Variants in KCNAB2 observed in about 807,000 individuals in gnomAD.
KCNAB2 encodes the protein voltage-gated potassium channel subunit beta-2.
A neutral mutation model predicts 63.6 loss-of-function variants in KCNAB2; 29 were observed. That is an observed-to-expected ratio of 0.46 (90% CI 0.34 to 0.62). KCNAB2 has a LOEUF of 0.62. KCNAB2 is among the 20% of genes least tolerant of loss of function. The pLI, the probability that KCNAB2 is intolerant of heterozygous loss-of-function variation, is 0.01. For synonymous variants in KCNAB2, 222 were observed against 224.2 expected (o/e 0.99, Z 0.09); for missense variants, 359 against 563.9 (o/e 0.64, Z 3.68).
chr1:6,029,005 G>C (rs1659400020), intron 1 of KCNAB2, among the ~76,000 whole-genome samples: 1 of 152,220 alleles, frequency 6.6e-6, no homozygotes, highest in Non-Finnish European at 1.5e-5. Context: ...ACTTGGGTGT[G>C]GCTGGTCACG....
At chr1:6,065,978 C>A (rs1468836581) in intron 2 of KCNAB2, among the ~76,000 whole-genome samples, 1 of 152,134 alleles carries the variant, frequency 6.6e-6, no homozygotes, top group Non-Finnish European at 1.5e-5. Flanking sequence ...TCGTCCTGGT[C>A]GGGGGAGAAG....
chr1:6,097,727 C>T (rs1665768580), intron 15 of KCNAB2: 5 of 460,702 alleles, frequency 1.1e-5, no homozygotes, highest in South Asian at 5.2e-5. Context: ...GAGTAAGTCA[C>T]GCAAATGCCT....
At position 6,003,344 on chromosome 1, in the gene KCNAB2, A is replaced by T. The variant is rs535702568; in HGVS notation, c.-53+10556A>T. Among the ~76,000 whole-genome samples the T allele has an allele frequency of 3.3e-3, 507 of 152,226 alleles. 1 individual carries two copies. The highest frequency in any genetic ancestry group is 4.5e-3 in the Non-Finnish European group (303 of 68,000). Reference sequence around the variant, plus strand: ...AGATCCTCCCCACCAGAGCAGGGTCATGGGGTCAGAGGCAGGGTCCGTGTG... The same window carrying T: ...AGATCCTCCCCACCAGAGCAGGGTCTTGGGGTCAGAGGCAGGGTCCGTGTG... On this transcript the variant is annotated intron_variant, in intron 1 of 16. Transcript: ENST00000341524. This position sits in a 1 kb window ranked among gnomAD's most constrained non-coding sequence, Gnocchi z 4.1.
At chr1:6,065,162 C>T (rs1451261416) in intron 2 of KCNAB2, among the ~76,000 whole-genome samples, 1 of 152,238 alleles carries the variant, frequency 6.6e-6, no homozygotes, top group African/African-American at 2.4e-5. Context: ...GCCAGGGAGG[C>T]TGTGACCGGA....
intron 9 of KCNAB2, 143 bp downstream of exon 9, chr1:6,090,618 G>A (rs112636180): frequency 1.9e-5 from 12 of 634,932 alleles, no homozygotes; most frequent in Non-Finnish European, 2.8e-5. Context: ...GGTGGGGGGC[G>A]AGGGGGCAGG....
At chr1:6,050,797 A>G (rs1661316838) in intron 1 of KCNAB2, among the ~76,000 whole-genome samples, 1 of 152,026 alleles carries the variant, frequency 6.6e-6, no homozygotes, top group East Asian at 1.9e-4. Context: ...TCCCCAGGCC[A>G]CTCTCCTCCG....
At chr1:6,097,831 C>A in intron 15 of KCNAB2, 1 of 275,736 alleles carries the variant, frequency 3.6e-6, no homozygotes, top group Non-Finnish European at 6.8e-6. Context: ...CGAAACACCT[C>A]CAGGGACTTC....
chr1:6,058,199 C>T (rs1662003742), intron 2 of KCNAB2, among the ~76,000 whole-genome samples: 1 of 152,182 alleles, frequency 6.6e-6, no homozygotes, highest in African/African-American at 2.4e-5. Flanking sequence ...GAAGGCTGAC[C>T]CTAATCCAGG....
chr1:6,049,572 A>G (rs1461207392), intron 1 of KCNAB2, among the ~76,000 whole-genome samples: 1 of 152,248 alleles, frequency 6.6e-6, no homozygotes, highest in Non-Finnish European at 1.5e-5. Context: ...AGGCTCCCCA[A>G]GGACGACTGG....
intron 10 of KCNAB2, among the ~76,000 whole-genome samples, chr1:6,093,783 C>T (rs1426823857): frequency 2.6e-5 from 4 of 152,320 alleles, no homozygotes; most frequent in East Asian, 1.9e-4. Context: ...AGGCTTTCCA[C>T]GCCCACTTCT....
intron 4 of KCNAB2, among the ~76,000 whole-genome samples, chr1:6,076,410 AG>A (rs1452670763): frequency 6.6e-6 from 1 of 152,250 alleles, no homozygotes; most frequent in Non-Finnish European, 1.5e-5. Context: ...TCAGGTCTCC[AG>A]CCCTCCCATT....
intron 10 of KCNAB2, among the ~76,000 whole-genome samples, chr1:6,093,716 G>C (rs944500750): frequency 2.6e-5 from 4 of 152,248 alleles, no homozygotes; most frequent in Non-Finnish European, 4.4e-5. Context: ...GGGACAGGCG[G>C]GTTGGGACTC....
chr1:6,099,789 C>T lies in KCNAB2; in HGVS notation c.*1215C>T, dbSNP rs948268923. 5 of 1,497,998 alleles carry T rather than the reference C, an allele frequency of 3.3e-6. No homozygotes were observed. Among genetic ancestry groups the T allele is most frequent in the Non-Finnish European group, 3.6e-6 (4 of 1,121,466 alleles). 92.8% of individuals were successfully genotyped at this position (1,497,998 alleles called of 1,614,324 possible). A position where few individuals can be genotyped will look rare whatever the true frequency, so the allele number is the denominator to read the frequency against. On this transcript the variant is annotated 3_prime_UTR_variant, in exon 16 of 16. Transcript: ENST00000378083. ...TGGAAAGACGGGCAGGGCTGGTTAG[C>T]CCCTCCCACTGCCTGACACCTGGGA... is the stretch of plus-strand genomic sequence containing the variant.
At chr1:6,094,355 G>A (rs1665439478) in intron 10 of KCNAB2, 45 bp from the exon 11 acceptor site, 7 of 1,497,740 alleles carry the variant, frequency 4.7e-6, no homozygotes, top group South Asian at 1.2e-5. Context: ...CTGGCCCTGA[G>A]CCCTGGCTGC....
Position 6,090,491 on chromosome 1 carries a change from C to T in KCNAB2, c.601+16C>T, listed in dbSNP as rs370312605. The T allele has an allele frequency of 3.7e-5, 60 of 1,600,276 alleles. No homozygotes were observed. Among genetic ancestry groups the T allele is most frequent in the Non-Finnish European group, 4.4e-5 (52 of 1,169,020 alleles). ...CCGATGGAAGGTAGGTGGTCTGCGG[C>T]GGCGCCACCGGTTAGGCCTGGGCGG... On this transcript the variant is annotated intron_variant, in intron 9 of 15. Coordinates refer to ENST00000378083, the MANE Select transcript of KCNAB2 (RefSeq NM_001199862.2).
chr1:6,068,552 G>GGC (rs1252551998), intron 2 of KCNAB2, among the ~76,000 whole-genome samples: 7 of 152,196 alleles, frequency 4.6e-5, no homozygotes, highest in Admixed American at 4.6e-4. Flanking sequence ...CTGTCACGGC[G>GGC]GGAGGGTAGG....
intron 2 of KCNAB2, among the ~76,000 whole-genome samples, chr1:6,060,996 C>T (rs576571058): frequency 6.6e-6 from 1 of 152,334 alleles, no homozygotes; most frequent in South Asian, 2.1e-4. Flanking sequence ...GCATCCGCCC[C>T]CTTCCACTGC....
chr1:6,002,523 G>A (rs1184918338), intron 1 of KCNAB2, among the ~76,000 whole-genome samples: 1 of 152,258 alleles, frequency 6.6e-6, no homozygotes, highest in Non-Finnish European at 1.5e-5. Flanking sequence ...CATCTGTACT[G>A]AGGGCTCTGT....
chr1:6,053,288 G>T (rs1276952826), intron 2 of KCNAB2, among the ~76,000 whole-genome samples: 2 of 152,124 alleles, frequency 1.3e-5, no homozygotes, highest in Admixed American at 1.3e-4. Flanking sequence ...TTTATTGAGA[G>T]TCTGCTTGGC....
Sources: gnomAD v4.1 joint callset for allele counts (sites outside exome capture counted in the v4.1 genomes callset) on GRCh38, gnomAD v4.1.1 for gene constraint, Gnocchi (gnomAD v3.1) non-coding constraint, MANE v1.5 for transcripts, NCBI Gene and HGNC (gene_info 2026-07-23, HGNC 2026-07-21) for gene names.